The following DACH2 variants were observed in gnomAD, a reference collection of about 807,000 sequenced individuals.
The protein encoded by DACH2 is dachshund family transcription factor 2.
A neutral mutation model predicts 35.8 loss-of-function variants in DACH2; 17 were observed. That is an observed-to-expected ratio of 0.48 (90% CI 0.33 to 0.71). The LOEUF (loss-of-function observed/expected upper bound fraction) is 0.71. Ranked by LOEUF, DACH2 falls within the 30% of genes least tolerant of loss-of-function variation. DACH2 has a pLI of 0.02. For missense variants in DACH2, 469 were observed against 472.7 expected (o/e 0.99, Z 0.07); for synonymous variants, 195 against 177.3 (o/e 1.10, Z -0.79).
chrX:86,826,969 A>C (rs1177520107), intron 11 of DACH2, among the ~76,000 whole-genome samples: 3 of 112,052 alleles, frequency 2.7e-5, no homozygotes, highest in Non-Finnish European at 5.6e-5. Context: ...AGAATAGCTT[A>C]GCTACCTCAA....
intron 1 of DACH2, among the ~76,000 whole-genome samples, chrX:86,182,024 A>G (rs769407753): frequency 7.7e-4 from 86 of 110,994 alleles, no homozygotes; most frequent in African/African-American, 2.8e-3. Context: ...CCACTTTTTG[A>G]TGGGGTTGTT....
At chrX:86,721,006 G>T (rs1176877503) in intron 6 of DACH2, among the ~76,000 whole-genome samples, 2 of 112,308 alleles carry the variant, frequency 1.8e-5, no homozygotes, top group Non-Finnish European at 3.8e-5. Context: ...CTGTATATTG[G>T]CCCCTTTTAG....
chrX:86,635,345 A>C (rs984310293), intron 3 of DACH2, among the ~76,000 whole-genome samples: 22 of 102,126 alleles, frequency 2.2e-4, no homozygotes, highest in Non-Finnish European at 4.3e-4. Context: ...AAAAAAAAAA[A>C]AACCTCTCAA....
At chrX:86,682,056 G>A (rs956645014) in intron 4 of DACH2, among the ~76,000 whole-genome samples, 11 of 111,344 alleles carry the variant, frequency 9.9e-5, no homozygotes, top group Non-Finnish European at 1.7e-4. Context: ...AAGGAGGGAC[G>A]TGAATAAGAA....
In DACH2 at chrX:86,382,461, T is replaced by TACACACACACACAC. The variant is rs55825336; in HGVS notation, c.527+5630_527+5643dup. Among the ~76,000 whole-genome samples the TACACACACACACAC allele has an allele frequency of 5.0e-3, 474 of 94,600 alleles. 4 individuals carry two copies. Among genetic ancestry groups the TACACACACACACAC allele is most frequent in the African/African-American group, 0.018 (453 of 25,016 alleles). 82.1% of individuals were successfully genotyped at this position (94,600 alleles called of 115,157 possible). On this transcript the variant is annotated intron_variant, in intron 2 of 11. Coordinates refer to ENST00000373125, the MANE Select transcript of DACH2 (RefSeq NM_053281.3). ...CAGAGTTGCAAATATGCTACATTCA[T>TACACACACACACAC]ACACACACACACACACACACACACA...
intron 1 of DACH2, among the ~76,000 whole-genome samples, chrX:86,349,677 A>G (rs763324290): frequency 2.7e-5 from 3 of 112,391 alleles, no homozygotes; most frequent in Admixed American, 1.9e-4. Flanking sequence ...GCTTTCCAAG[A>G]TAATCTGGTT....
intron 6 of DACH2, among the ~76,000 whole-genome samples, chrX:86,723,981 T>C (rs2041437235): frequency 9.0e-6 from 1 of 111,449 alleles, no homozygotes; most frequent in Non-Finnish European, 1.9e-5. Context: ...ATATCTTTTT[T>C]TTCACCCCTT....
chrX:86,612,406 C>T (rs2039956898), intron 3 of DACH2, among the ~76,000 whole-genome samples: 1 of 110,728 alleles, frequency 9.0e-6, no homozygotes, highest in Admixed American at 9.7e-5. Flanking sequence ...CTCAGCACAG[C>T]ACTAGGAACT....
At chrX:86,245,904 C>T (rs2033272081) in intron 1 of DACH2, among the ~76,000 whole-genome samples, 1 of 111,525 alleles carries the variant, frequency 9.0e-6, no homozygotes, top group African/African-American at 3.3e-5. Context: ...AAAGTTGAAA[C>T]CCAATCCAAA....
intron 3 of DACH2, among the ~76,000 whole-genome samples, chrX:86,563,648 A>G (rs1477335332): frequency 9.1e-6 from 1 of 110,435 alleles, no homozygotes; most frequent in African/African-American, 3.3e-5. Flanking sequence ...AAGAGAACAC[A>G]TGTAGTCATG....
chrX:86,153,713 C>T, intron 1 of DACH2, among the ~76,000 whole-genome samples: 1 of 111,556 alleles, frequency 9.0e-6, no homozygotes, highest in South Asian at 3.7e-4. Flanking sequence ...ATGCTCTGTC[C>T]TTTATGAGAA....
chrX:86,373,265 G>C (rs746945635), intron 1 of DACH2, among the ~76,000 whole-genome samples: 1 of 110,921 alleles, frequency 9.0e-6, no homozygotes, highest in East Asian at 2.9e-4. Context: ...TTCCACAGTG[G>C]CTGAACTAAT....
At chrX:86,232,890 A>G (rs1439509762) in intron 1 of DACH2, among the ~76,000 whole-genome samples, 5 of 112,284 alleles carry the variant, frequency 4.5e-5, no homozygotes, top group Non-Finnish European at 3.8e-5. Context: ...ACACATGCAC[A>G]TGTATGTTCA....
At chrX:86,513,948 T>C (rs1037595962) in intron 2 of DACH2, among the ~76,000 whole-genome samples, 5 of 111,819 alleles carry the variant, frequency 4.5e-5, no homozygotes, top group African/African-American at 1.6e-4. Context: ...GAAGCATTTA[T>C]TAATACTTCA....
chrX:86,741,374 G>A (rs1195621286), intron 7 of DACH2, among the ~76,000 whole-genome samples: 1 of 111,397 alleles, frequency 9.0e-6, no homozygotes, highest in Non-Finnish European at 1.9e-5. Flanking sequence ...TTACTAATAT[G>A]GATGCTGAGG....
intron 7 of DACH2, among the ~76,000 whole-genome samples, chrX:86,804,606 C>T (rs919379799): frequency 8.9e-6 from 1 of 112,170 alleles, no homozygotes; most frequent in Non-Finnish European, 1.9e-5. Context: ...AGTCCAAAGT[C>T]TTATCTGAGA....
chrX:86,475,044 T>C (rs934852862), intron 2 of DACH2, among the ~76,000 whole-genome samples: 1 of 111,951 alleles, frequency 8.9e-6, no homozygotes, highest in African/African-American at 3.3e-5. Flanking sequence ...CTATGTAATG[T>C]GTTTATACCA....
At chrX:86,398,024 CT>C (rs897634675) in intron 2 of DACH2, among the ~76,000 whole-genome samples, 10 of 110,974 alleles carry the variant, frequency 9.0e-5, no homozygotes, top group African/African-American at 3.3e-4. Flanking sequence ...TGGTCCTGGA[CT>C]TTTTGGTTGG....
chrX:86,496,572 A>G (rs1248070675), intron 2 of DACH2, among the ~76,000 whole-genome samples: 1 of 110,181 alleles, frequency 9.1e-6, no homozygotes, highest in East Asian at 2.9e-4. Flanking sequence ...ATGTAAAGAG[A>G]AGGGAGGGGG....
Sources: allele counts gnomAD v4.1 joint callset (sites outside exome capture counted in the v4.1 genomes callset), GRCh38; gene constraint gnomAD v4.1.1; transcripts MANE v1.5; gene names NCBI Gene and HGNC (gene_info 2026-07-23, HGNC 2026-07-21).